EFL1: variants seen among roughly 807,000 people sequenced by gnomAD.
EFL1 encodes the protein elongation factor-like GTPase 1.
EFL1 carries 76 observed loss-of-function variants against 126.7 expected under a neutral mutation model. The ratio of observed to expected loss-of-function variants is 0.60; its 90% CI spans 0.50 to 0.73. The LOEUF (loss-of-function observed/expected upper bound fraction) is 0.73. Ranked by LOEUF, EFL1 falls within the 30% of genes least tolerant of loss-of-function variation. The probability of loss-of-function intolerance (pLI) is 0.00; values close to 1 mark genes in which losing one functional copy is unlikely to be tolerated. For synonymous variants in EFL1, 410 were observed against 448.4 expected (o/e 0.91, Z 1.08); for missense variants, 1,128 against 1,343.2 (o/e 0.84, Z 2.50).
intron 18 of EFL1, among the ~76,000 whole-genome samples, chr15:82,142,558 C>A (rs959707646): frequency 6.6e-6 from 1 of 151,996 alleles, no homozygotes; most frequent in Admixed American, 6.6e-5. Context: ...ATGAAAGGAA[C>A]CAGGGAAGAG....
intron 16 of EFL1, 91 bp from the exon 17 acceptor site, chr15:82,157,951 T>A: frequency 7.5e-7 from 1 of 1,335,344 alleles, no homozygotes; most frequent in South Asian, 1.6e-5. Flanking sequence ...GAAAATTACA[T>A]TGAAATAAAC....
chr15:82,159,758 A>G (rs2074004023), intron 16 of EFL1, among the ~76,000 whole-genome samples: 1 of 152,250 alleles, frequency 6.6e-6, no homozygotes, highest in South Asian at 2.1e-4. Flanking sequence ...TATACATTTT[A>G]CCAAAACCTT....
At position 82,151,661 on chromosome 15, in the gene EFL1, T is replaced by C. The variant is rs750941751; in HGVS notation, c.2793A>G (p.Gln931=). The C allele has an allele frequency of 4.6e-5, 75 of 1,614,102 alleles. No individual in the cohort carries two copies. Among genetic ancestry groups the C allele is most frequent in the Non-Finnish European group, 6.0e-5 (71 of 1,180,046 alleles). Residue 931 remains glutamine, a synonymous_variant, in exon 18 of 20, where the codon CAA becomes CAG. Transcript: ENST00000268206. ...TCTCAAAGGCCTCAGAGCAGCCATC[T>C]TGTAGCTCTTGGTTTTCATTTCCAC... ...CSGGNENQEL[Q]DGCSEAFEKR... is the part of the protein sequence containing the mutation.
At chr15:82,232,778 T>C (rs2074835279) in intron 7 of EFL1, among the ~76,000 whole-genome samples, 1 of 152,174 alleles carries the variant, frequency 6.6e-6, no homozygotes, top group African/African-American at 2.4e-5. Context: ...ATTTATTTTT[T>C]TAATAAAATT....
Position 82,262,656 on chromosome 15 carries a change from G to A in EFL1, c.-62C>T. On this transcript the variant is annotated 5_prime_UTR_variant, in exon 1 of 20. Transcript: ENST00000268206. ...CCAGCCCCGCTCCTTCTCTCGGGTC[G>A]CACCCACACCGAGAGCTTCCGAAAG... 2.0e-6 allele frequency: 1 copy of A among 498,266 alleles called. No individual in the cohort carries two copies. The highest frequency in any genetic ancestry group is 3.5e-6 in the Non-Finnish European group (1 of 283,724). 30.9% of individuals were successfully genotyped at this position (498,266 alleles called of 1,614,324 possible).
In EFL1 at chr15:82,157,808, G is replaced by T; in HGVS notation, c.1935C>A (p.Pro645=). The part of the protein sequence containing the change: ...KGMKLLNQAD[P]CVQILIQETG... The stretch of plus-strand genomic sequence containing the variant: ...TTTCCTGAATTAAAATCTGGACACA[G>T]GGATCAGCCTGGTTTAACAGTTTCA... Residue 645 remains proline (P), a synonymous_variant, in exon 17 of 20, where the codon CCC becomes CCA. Coordinates refer to ENST00000268206, the MANE Select transcript of EFL1 (RefSeq NM_024580.6). 1 of 1,614,110 alleles carries T rather than the reference G, an allele frequency of 6.2e-7. No individual in the cohort carries two copies. Among genetic ancestry groups the T allele is most frequent in the Non-Finnish European group, 8.5e-7 (1 of 1,179,974 alleles).
chr15:82,202,470 C>A (rs1438525241), intron 15 of EFL1, among the ~76,000 whole-genome samples: 1 of 152,100 alleles, frequency 6.6e-6, no homozygotes, highest in East Asian at 1.9e-4. Context: ...TCAGTGATAA[C>A]AATTATGTTG....
chr15:82,231,263 T>C (rs2074819549), intron 7 of EFL1, among the ~76,000 whole-genome samples: 1 of 152,118 alleles, frequency 6.6e-6, no homozygotes, highest in African/African-American at 2.4e-5. Context: ...TAAAACAAGA[T>C]AAAATTAGGG....
chr15:82,189,894 TC>T (rs758659473), intron 15 of EFL1, among the ~76,000 whole-genome samples: 7 of 152,098 alleles, frequency 4.6e-5, no homozygotes, highest in Admixed American at 2.6e-4. Context: ...GGTGGGCAGA[TC>T]ACCTGTGGTC....
At chr15:82,150,067 T>G (rs1373853156) in intron 18 of EFL1, among the ~76,000 whole-genome samples, 1 of 152,216 alleles carries the variant, frequency 6.6e-6, no homozygotes, top group Admixed American at 6.5e-5. Flanking sequence ...ACAAATTCCA[T>G]GGCTGTTAAT....
At chr15:82,216,247 T>G (rs914905096) in intron 14 of EFL1, among the ~76,000 whole-genome samples, 2 of 152,102 alleles carry the variant, frequency 1.3e-5, no homozygotes, top group African/African-American at 4.8e-5. Flanking sequence ...AATAGATAAA[T>G]AAACCTAATA....
chr15:82,179,594 C>A (rs932156984), intron 15 of EFL1, among the ~76,000 whole-genome samples: 2 of 152,126 alleles, frequency 1.3e-5, no homozygotes, highest in Non-Finnish European at 2.9e-5. Context: ...TCCTCAGTAT[C>A]TCCCAGATAA....
At chr15:82,166,472 C>T (rs917635770) in intron 15 of EFL1, among the ~76,000 whole-genome samples, 3 of 152,112 alleles carry the variant, frequency 2.0e-5, no homozygotes, top group Admixed American at 2.0e-4. Context: ...TACTACATGT[C>T]AACATTTTTA....
intron 12 of EFL1, among the ~76,000 whole-genome samples, chr15:82,223,409 T>TA (rs1241406301): frequency 2.6e-5 from 4 of 151,936 alleles, no homozygotes; most frequent in Non-Finnish European, 5.9e-5. Context: ...ATAAAATCAG[T>TA]AAAAAAACTT....
At chr15:82,154,826 AT>A (rs1319482322) in intron 17 of EFL1, among the ~76,000 whole-genome samples, 1 of 152,142 alleles carries the variant, frequency 6.6e-6, no homozygotes, top group Non-Finnish European at 1.5e-5. Flanking sequence ...CAGTGGTGTG[AT>A]TACAGTTCAC....
intron 18 of EFL1, among the ~76,000 whole-genome samples, chr15:82,141,312 A>G (rs1353077969): frequency 3.9e-5 from 6 of 152,186 alleles, no homozygotes; most frequent in Non-Finnish European, 1.5e-5. Context: ...TAGAAAAGAA[A>G]TCTTACCATA....
At chr15:82,226,540 C>T (rs539088881) in intron 11 of EFL1, among the ~76,000 whole-genome samples, 6 of 152,126 alleles carry the variant, frequency 3.9e-5, no homozygotes, top group African/African-American at 1.4e-4. Flanking sequence ...GTCTCCCTAA[C>T]TGAGATGGGA....
chr15:82,252,813 G>A (rs1274086763), intron 3 of EFL1, 38 bp from the exon 4 acceptor site: 1 of 1,098,556 alleles, frequency 9.1e-7, no homozygotes, highest in Non-Finnish European at 1.4e-6. Flanking sequence ...ACTTCCCAAA[G>A]AATTAAAATG....
rs182385534 is a variant in EFL1 at position 82,174,832 on chromosome 15, G to A, written c.1751-10848C>T. Among the ~76,000 whole-genome samples the A allele has an allele frequency of 1.3e-3, 204 of 152,272 alleles. 3 individuals carry two copies. The East Asian group carries it at 0.028, about 21-fold the overall frequency. ...GCCACTCCTGTGTCCTTTACCATTT[G>A]CAATGATCACTTTTCCAAAGGTTAA... is the stretch of plus-strand genomic sequence containing the variant. On this transcript the variant is annotated intron_variant, in intron 15 of 19. Transcript: ENST00000268206.
Sources: gnomAD v4.1 joint callset for allele counts (sites outside exome capture counted in the v4.1 genomes callset) on GRCh38, gnomAD v4.1.1 for gene constraint, MANE v1.5 for transcripts, NCBI Gene and HGNC (gene_info 2026-07-23, HGNC 2026-07-21) for gene names.